Variants in VSTM4 observed in about 807,000 individuals in gnomAD.
VSTM4 encodes the protein V-set and transmembrane domain containing 4.
Under a neutral mutation model 36.4 loss-of-function variants are expected in VSTM4, and 20 were observed. That is an observed-to-expected ratio of 0.55 (90% CI 0.39 to 0.80). The LOEUF is 0.80. Ranked by LOEUF, VSTM4 falls within the 30% of genes least tolerant of loss-of-function variation. The probability of loss-of-function intolerance (pLI) is 0.00; values close to 1 mark genes in which losing one functional copy is unlikely to be tolerated. For synonymous variants in VSTM4, 182 were observed against 173.9 expected (o/e 1.05, Z -0.37); for missense variants, 392 against 404.5 (o/e 0.97, Z 0.26).
Position 49,070,813 on chromosome 10 carries a change from T to C in VSTM4, c.635-6077A>G, listed in dbSNP as rs145503083. Among the ~76,000 whole-genome samples the C allele has an allele frequency of 4.2e-4, 64 of 152,342 alleles. 1 individual carries two copies. In the East Asian group the frequency reaches 0.012, roughly 28 times the overall value. On this transcript the variant is annotated intron_variant, in intron 4 of 7. Transcript: ENST00000332853. ...GCCAGCTGAGCCTCCCGGCACCCAC[T>C]GAAGAACCAGAGAGATCTCGCTCCA...
chr10:49,057,114 C>A (rs958480968), intron 5 of VSTM4, among the ~76,000 whole-genome samples: 1 of 152,076 alleles, frequency 6.6e-6, no homozygotes, highest in Non-Finnish European at 1.5e-5. Context: ...CCAAGCCATT[C>A]ATGAGGGATC....
At chr10:49,093,266 C>G (rs970009923) in intron 2 of VSTM4, among the ~76,000 whole-genome samples, 21 of 152,076 alleles carry the variant, frequency 1.4e-4, no homozygotes, top group African/African-American at 4.8e-4. Flanking sequence ...GCCGTGGGGT[C>G]GGAGCCCCAC....
rs545627664 is a variant in VSTM4, at chr10:49,106,856, TC to T, written c.457+737del. Among the ~76,000 whole-genome samples the T allele has an allele frequency of 2.3e-3, 350 of 152,342 alleles. 1 individual carries two copies. The highest frequency in any genetic ancestry group is 4.2e-3 in the Non-Finnish European group (286 of 68,042). ...GACTCCAACAAACACTAACATAGTTTCTAATGGCTCAAGGCCACATGCCTAT... is the reference window on the plus strand; with the variant it reads ...GACTCCAACAAACACTAACATAGTTTTAATGGCTCAAGGCCACATGCCTAT... On this transcript the variant is annotated intron_variant, in intron 2 of 7. Coordinates refer to ENST00000332853, the MANE Select transcript of VSTM4 (RefSeq NM_001031746.5).
At chr10:49,059,097 T>C (rs1412756767) in intron 5 of VSTM4, among the ~76,000 whole-genome samples, 6 of 152,204 alleles carry the variant, frequency 3.9e-5, no homozygotes. Context: ...TCACTAGCAC[T>C]GGCGGCCAGT....
intron 1 of VSTM4, among the ~76,000 whole-genome samples, chr10:49,113,949 G>A (rs4644582): frequency 0.27 from 40,577 of 151,840 alleles, 5,557 homozygotes; most frequent in Admixed American, 0.35. Context: ...GCTCCCGAGG[G>A]CTCTGGAAAT....
chr10:49,083,938 G>A (rs1349744561), intron 3 of VSTM4, among the ~76,000 whole-genome samples: 5 of 152,126 alleles, frequency 3.3e-5, no homozygotes, highest in African/African-American at 1.2e-4. Context: ...GGAGCCTGAA[G>A]TCTCCCTGGA....
chr10:49,082,651 GACA>G (rs770258252), intron 3 of VSTM4, among the ~76,000 whole-genome samples: 17 of 151,856 alleles, frequency 1.1e-4, no homozygotes, highest in Admixed American at 1.3e-4. Context: ...CTCCATCCTG[GACA>G]ACAAGAGCAA....
intron 7 of VSTM4, among the ~76,000 whole-genome samples, chr10:49,040,782 G>T (rs1259771949): frequency 1.3e-5 from 2 of 152,162 alleles, no homozygotes; most frequent in African/African-American, 4.8e-5. Context: ...TAATGCGGCA[G>T]CTGGCACACA....
chr10:49,033,041 G>A (rs1048444927), intron 7 of VSTM4, among the ~76,000 whole-genome samples: 4 of 151,558 alleles, frequency 2.6e-5, no homozygotes, highest in Non-Finnish European at 5.9e-5. Flanking sequence ...TTCACATAAC[G>A]ATCCCACTTC....
intron 4 of VSTM4, among the ~76,000 whole-genome samples, chr10:49,066,342 A>C (rs576003788): frequency 1.3e-5 from 2 of 152,360 alleles, no homozygotes; most frequent in African/African-American, 2.4e-5. Context: ...TTAACTAGGC[A>C]ACTAAATCTT....
chr10:49,115,068 T>C (rs923098864), intron 1 of VSTM4, among the ~76,000 whole-genome samples: 2 of 152,160 alleles, frequency 1.3e-5, no homozygotes, highest in Admixed American at 6.5e-5. Context: ...CCAAGAGCTG[T>C]GTGTCCTGAC....
chr10:49,074,704 G>A (rs1278564754), intron 4 of VSTM4, among the ~76,000 whole-genome samples: 4 of 152,230 alleles, frequency 2.6e-5, no homozygotes, highest in African/African-American at 9.6e-5. Flanking sequence ...ACTAGGAGAT[G>A]CAGGTACTGG....
chr10:49,084,898 T>C (rs1590117414), intron 3 of VSTM4, among the ~76,000 whole-genome samples: 1 of 152,248 alleles, frequency 6.6e-6, no homozygotes, highest in Non-Finnish European at 1.5e-5. Flanking sequence ...TTCTTTGTCA[T>C]GGGGACTATC....
chr10:49,094,843 C>T (rs778677786), intron 2 of VSTM4, among the ~76,000 whole-genome samples: 3 of 152,136 alleles, frequency 2.0e-5, no homozygotes, highest in Admixed American at 6.5e-5. Flanking sequence ...TGTTTCTGCT[C>T]TCAGGCACTG....
intron 1 of VSTM4, among the ~76,000 whole-genome samples, chr10:49,115,151 G>T (rs1590146649): frequency 6.6e-6 from 1 of 152,144 alleles, no homozygotes; most frequent in Non-Finnish European, 1.5e-5. Flanking sequence ...GGGGCCTGCC[G>T]CTGGGAAGAT....
Position 49,015,614 on chromosome 10 carries a change from T to C in VSTM4, c.*4036A>G, listed in dbSNP as rs916782053. 3 of 152,188 alleles carry C rather than the reference T, an allele frequency of 2.0e-5. No homozygotes were observed. The highest frequency in any genetic ancestry group is 7.2e-5 in the African/African-American group (3 of 41,420). The allele number at this position is 152,188 out of a possible 1,614,324, so 9.4% of individuals were successfully genotyped here. On this transcript the variant is annotated 3_prime_UTR_variant, in exon 8 of 8. Coordinates refer to ENST00000332853, the MANE Select transcript of VSTM4 (RefSeq NM_001031746.5). ...TTCCTGATGAACAGTTTCTATCCTATGTATGGAGATGGGAGTGTGGTCTGG... is the reference window on the plus strand; with the variant it reads ...TTCCTGATGAACAGTTTCTATCCTACGTATGGAGATGGGAGTGTGGTCTGG...
chr10:49,093,895 C>A (rs1844523718), intron 2 of VSTM4, among the ~76,000 whole-genome samples: 1 of 151,906 alleles, frequency 6.6e-6, no homozygotes, highest in Non-Finnish European at 1.5e-5. Flanking sequence ...CCACAGGTGC[C>A]TGCCATAACG....
intron 2 of VSTM4, among the ~76,000 whole-genome samples, chr10:49,090,753 T>C (rs1844459041): frequency 6.6e-6 from 1 of 152,248 alleles, no homozygotes; most frequent in Non-Finnish European, 1.5e-5. Context: ...CCCTGTGCTC[T>C]GAGACTGGTC....
At chr10:49,032,937 TC>T (rs1333348449) in intron 7 of VSTM4, among the ~76,000 whole-genome samples, 19 of 86,246 alleles carry the variant, frequency 2.2e-4, no homozygotes, top group Admixed American at 2.1e-3. Context: ...TCACTCTGAT[TC>T]TTTTTTTTTT....
Sources: gnomAD v4.1 joint callset for allele counts (sites outside exome capture counted in the v4.1 genomes callset) on GRCh38, gnomAD v4.1.1 for gene constraint, MANE v1.5 for transcripts, NCBI Gene and HGNC (gene_info 2026-07-23, HGNC 2026-07-21) for gene names.